The following ZNF251 variants were observed in gnomAD, a reference collection of about 807,000 sequenced individuals.
ZNF251 encodes zinc finger protein 251.
Under a neutral mutation model 13.5 loss-of-function variants are expected in ZNF251, and 14 were observed. The observed-to-expected ratio is 1.04, with a 90% CI of 0.69 to 1.63. The LOEUF (loss-of-function observed/expected upper bound fraction) is 1.63, where lower values mean the gene tolerates loss of function less well. ZNF251 is among the 40% of genes most tolerant of loss of function. The pLI, the probability that ZNF251 is intolerant of heterozygous loss-of-function variation, is 0.00. For synonymous variants in ZNF251, 287 were observed against 295.2 expected, an observed-to-expected ratio of 0.97 and a Z score of 0.28; for missense variants, 764 against 834.9, an observed-to-expected ratio of 0.92 and a Z score of 1.05.
At chr8:144,740,881 TGA>T (rs1441563838) in intron 4 of ZNF251, among the ~76,000 whole-genome samples, 1 of 150,634 alleles carries the variant, frequency 6.6e-6, no homozygotes, top group African/African-American at 2.5e-5. Context: ...TGTGATGAGC[TGA>T]GATGGCGCCA....
intron 4 of ZNF251, among the ~76,000 whole-genome samples, chr8:144,747,252 C>T (rs1299313440): frequency 6.6e-6 from 1 of 152,138 alleles, no homozygotes; most frequent in African/African-American, 2.4e-5. Context: ...TTGCCAAGTA[C>T]TTTAGGATTT....
intron 4 of ZNF251, among the ~76,000 whole-genome samples, chr8:144,736,788 G>A (rs1372982167): frequency 6.6e-6 from 1 of 151,484 alleles, no homozygotes; most frequent in African/African-American, 2.4e-5. Context: ...CACCGTGCCC[G>A]GCCTACTTTA....
At chr8:144,749,345 T>G (rs934421120) in intron 4 of ZNF251, among the ~76,000 whole-genome samples, 4 of 152,052 alleles carry the variant, frequency 2.6e-5, no homozygotes, top group Non-Finnish European at 4.4e-5. Context: ...ATCAGCCAGG[T>G]GTGGTAGTAC....
chr8:144,747,320 C>G (rs978266798), intron 4 of ZNF251, among the ~76,000 whole-genome samples: 5 of 152,124 alleles, frequency 3.3e-5, no homozygotes, highest in Admixed American at 6.6e-5. Flanking sequence ...TGAGAATAGA[C>G]ATTCTATGTT....
At chr8:144,736,657 A>G (rs1823908918) in intron 4 of ZNF251, among the ~76,000 whole-genome samples, 1 of 151,410 alleles carries the variant, frequency 6.6e-6, no homozygotes, top group Admixed American at 6.6e-5. Context: ...ACGCCCAGCT[A>G]ATTTTTATAT....
At chr8:144,745,354 A>AT (rs373005274) in intron 4 of ZNF251, among the ~76,000 whole-genome samples, 1 of 151,468 alleles carries the variant, frequency 6.6e-6, no homozygotes, top group African/African-American at 2.4e-5. Flanking sequence ...TCATTGATCT[A>AT]TTTTTTCTGT....
chr8:144,755,148 C>T, intron 1 of ZNF251: 3 of 1,193,510 alleles, frequency 2.5e-6, no homozygotes, highest in Non-Finnish European at 3.2e-6. Flanking sequence ...AGGCTGAGGA[C>T]GTGAGAAGGA....
chr8:144,721,765 C>T lies in ZNF251; in HGVS notation c.1895G>A (p.Ser632Asn). The change falls in exon 5 of 5, where the codon AGC (serine) becomes AAC (asparagine). Residue 632 changes from serine to asparagine, a missense_variant. Ser to Asn is a conservative substitution (Grantham distance 46). Coordinates refer to ENST00000292562, the MANE Select transcript of ZNF251 (RefSeq NM_138367.2). ...CHCSVYGKAF[S>N]QSSQLTPPQQ... ...AGGTGGTGTGAGCTGTGAACTCTGG[C>T]TGAAGGCTTTCCCATACACACTGCA... is the stretch of plus-strand genomic sequence containing the variant. 6.9e-7 allele frequency: 1 copy of T among 1,448,712 alleles called. No individual in the cohort carries two copies. The highest frequency in any genetic ancestry group is 9.1e-7 in the Non-Finnish European group (1 of 1,097,946). The allele number at this position is 1,448,712 out of a possible 1,614,324, so 89.7% of individuals were successfully genotyped here. A position where few individuals can be genotyped will look rare whatever the true frequency, so the allele number is the denominator to read the frequency against.
At chr8:144,732,769 A>C (rs74401356) in intron 4 of ZNF251, among the ~76,000 whole-genome samples, 1 of 148,426 alleles carries the variant, frequency 6.7e-6, no homozygotes, top group Non-Finnish European at 1.5e-5. Context: ...CCAAGATCGC[A>C]CCACTGCACT....
In ZNF251 at chr8:144,754,231, C is replaced by A; in HGVS notation, c.124G>T (p.Asp42Tyr). The A allele has an allele frequency of 6.2e-7, 1 of 1,614,086 alleles. No individual in the cohort carries two copies. The highest frequency in any genetic ancestry group is 8.5e-7 in the Non-Finnish European group (1 of 1,179,966). ...LGPQQRALYR[D>Y]VMLENYGNVA... ...TTCCCATAGTTCTCCAGCATCACATCCCGGTAGAGCGCCCGCTGCTGGGGG... is the reference window on the plus strand; with the variant it reads ...TTCCCATAGTTCTCCAGCATCACATACCGGTAGAGCGCCCGCTGCTGGGGG... The change falls in exon 3 of 5, where the codon GAT (aspartate) becomes TAT (tyrosine). Residue 42 changes from aspartate to tyrosine, a missense_variant. Coordinates refer to ENST00000292562, the MANE Select transcript of ZNF251 (RefSeq NM_138367.2).
chr8:144,755,089 T>G, intron 1 of ZNF251: 1 of 1,267,448 alleles, frequency 7.9e-7, no homozygotes, highest in Non-Finnish European at 1.0e-6. Context: ...CCGTTCTACC[T>G]GCCTGGCCAA....
At chr8:144,740,895 C>T (rs965332332) in intron 4 of ZNF251, among the ~76,000 whole-genome samples, 1 of 151,144 alleles carries the variant, frequency 6.6e-6, no homozygotes, top group South Asian at 2.1e-4. Flanking sequence ...ATGGCGCCAT[C>T]GCACTCCGGC....
intron 4 of ZNF251, among the ~76,000 whole-genome samples, chr8:144,737,837 C>CAAAAAAAAAAAA (rs56856212): frequency 1.9e-5 from 1 of 52,022 alleles, no homozygotes; most frequent in Non-Finnish European, 3.3e-5. Flanking sequence ...GACTCTGTCT[C>CAAAAAAAAAAAA]AAAAAAAAAA....
chr8:144,739,036 C>T (rs534433161), intron 4 of ZNF251, among the ~76,000 whole-genome samples: 2 of 152,074 alleles, frequency 1.3e-5, no homozygotes, highest in Non-Finnish European at 2.9e-5. Flanking sequence ...ACCATTCATC[C>T]ACCTGGACAG....
chr8:144,754,744 T>A lies in ZNF251; in HGVS notation c.-16A>T, dbSNP rs1227692373. 3.7e-6 allele frequency: 6 copies of A among 1,611,784 alleles called. No individual in the cohort carries two copies. The highest frequency in any genetic ancestry group is 5.1e-6 in the Non-Finnish European group (6 of 1,179,012). ...TGGCTGCCATTCTGTGTGCATGGGC[T>A]GCTGTGGTTTCCAAGAGAAGACAGG... On this transcript the variant is annotated 5_prime_UTR_variant, in exon 2 of 5. Transcript: ENST00000292562.
In ZNF251 at chr8:144,723,021, T is replaced by C; in HGVS notation, c.639A>G (p.Ile213Met). ...AATTATATTTGAAGGTTTTGCTGCA[T>C]ATATCACATTTAAAGACCCTCTCTC... ...KTGERVFKCD[I>M]CSKTFKYNSD... The change falls in exon 5 of 5, where the codon ATA becomes ATG. Residue 213 changes from isoleucine to methionine, a missense_variant. Transcript: ENST00000292562. 6.2e-7 allele frequency: 1 copy of C among 1,614,030 alleles called. No homozygotes were observed. The highest frequency in any genetic ancestry group is 8.5e-7 in the Non-Finnish European group (1 of 1,179,902).
At chr8:144,740,941 A>C (rs1446666270) in intron 4 of ZNF251, among the ~76,000 whole-genome samples, 1 of 149,282 alleles carries the variant, frequency 6.7e-6, no homozygotes, top group African/African-American at 2.5e-5. Flanking sequence ...CTCAAAAAAC[A>C]AAAAAAAAGA....
chr8:144,729,538 G>A (rs970681415), intron 4 of ZNF251, among the ~76,000 whole-genome samples: 2 of 151,866 alleles, frequency 1.3e-5, no homozygotes, highest in Non-Finnish European at 2.9e-5. Context: ...GGGTTTCACT[G>A]TGTTAACCAG....
At chr8:144,742,587 T>C (rs1341512201) in intron 4 of ZNF251, among the ~76,000 whole-genome samples, 1 of 151,824 alleles carries the variant, frequency 6.6e-6, no homozygotes, top group Non-Finnish European at 1.5e-5. Context: ...GGCTCACTCG[T>C]GGTGCCGCGT....
Sources: gnomAD v4.1 joint callset for allele counts (sites outside exome capture counted in the v4.1 genomes callset) on GRCh38, gnomAD v4.1.1 for gene constraint, MANE v1.5 for transcripts, NCBI Gene and HGNC (gene_info 2026-07-23, HGNC 2026-07-21) for gene names.